Variants in SNTG2 observed in about 807,000 individuals in gnomAD.
SNTG2 encodes the protein syntrophin gamma 2.
A neutral mutation model predicts 70.9 loss-of-function variants in SNTG2; 74 were observed. The observed-to-expected ratio is 1.04, with a 90% confidence interval of 0.86 to 1.27. The LOEUF (loss-of-function observed/expected upper bound fraction) is 1.27. Ranked by LOEUF, SNTG2 falls within the 50% of genes most tolerant of loss-of-function variation. The pLI is 0.00. For missense variants in SNTG2, 717 were observed against 690.7 expected (o/e 1.04, Z -0.43); for synonymous variants, 278 against 273.8 (o/e 1.02, Z -0.15).
At chr2:1,281,110 A>G (rs529623440) in intron 14 of SNTG2, among the ~76,000 whole-genome samples, 7 of 151,888 alleles carry the variant, frequency 4.6e-5, no homozygotes, top group Admixed American at 2.6e-4. Context: ...GAAACTGGGA[A>G]TTCATGAGTG....
intron 16 of SNTG2, among the ~76,000 whole-genome samples, chr2:1,339,658 T>C (rs1659985948): frequency 6.6e-6 from 1 of 152,210 alleles, no homozygotes; most frequent in South Asian, 2.1e-4. Flanking sequence ...TGAGGGCTGA[T>C]TATTTCTCTG....
Position 950,890 on chromosome 2 carries a change from G to A in SNTG2, c.-107G>A. ...GGAGCCCGAGCCGGAGCCGGCAGAG[G>A]GGCGCGGGCGCGGACGCGGCGCCTG... On this transcript the variant is annotated 5_prime_UTR_variant, in exon 1 of 17. Transcript: ENST00000308624. 1 of 407,744 alleles carries A rather than the reference G, an allele frequency of 2.5e-6. No homozygotes were observed. The allele number at this position is 407,744 out of a possible 1,614,324, so 25.3% of individuals were successfully genotyped here. A position where few individuals can be genotyped will look rare whatever the true frequency, so the allele number is the denominator to read the frequency against.
chr2:1,147,642 A>C (rs4998211), intron 6 of SNTG2, among the ~76,000 whole-genome samples: 133,745 of 152,158 alleles, frequency 0.88, 59,084 homozygotes, highest in Non-Finnish European at 0.94. Flanking sequence ...TTAGTTCTGT[A>C]CCTCTAGAGA....
At chr2:1,042,336 A>G (rs1481005163) in intron 1 of SNTG2, among the ~76,000 whole-genome samples, 1 of 152,128 alleles carries the variant, frequency 6.6e-6, no homozygotes, top group Non-Finnish European at 1.5e-5. Flanking sequence ...ATATTTCTCA[A>G]TTTAACTAGT....
intron 11 of SNTG2, among the ~76,000 whole-genome samples, chr2:1,246,297 T>C (rs1025421802): frequency 6.6e-6 from 1 of 152,248 alleles, no homozygotes; most frequent in Non-Finnish European, 1.5e-5. Context: ...TCTGATTCTG[T>C]CCTCTAGCAT....
At chr2:1,334,746 G>T (rs753166987) in intron 16 of SNTG2, among the ~76,000 whole-genome samples, 2 of 152,082 alleles carry the variant, frequency 1.3e-5, no homozygotes, top group Non-Finnish European at 2.9e-5. Flanking sequence ...TGATGAGGAC[G>T]CAAAGGCATA....
chr2:1,173,353 A>G (rs1478363675), intron 8 of SNTG2, among the ~76,000 whole-genome samples, 170 bp downstream of exon 8: 1 of 152,070 alleles, frequency 6.6e-6, no homozygotes, highest in Non-Finnish European at 1.5e-5. Context: ...GTTGACATTT[A>G]CTCCCACGTG....
intron 14 of SNTG2, among the ~76,000 whole-genome samples, chr2:1,282,559 C>G (rs1679591825): frequency 6.6e-6 from 1 of 152,194 alleles, no homozygotes; most frequent in South Asian, 2.1e-4. Flanking sequence ...CCCCAAAATT[C>G]TACCAAACAG....
intron 14 of SNTG2, among the ~76,000 whole-genome samples, chr2:1,279,687 G>A (rs1679436507): frequency 6.6e-6 from 1 of 152,192 alleles, no homozygotes; most frequent in African/African-American, 2.4e-5. Context: ...TTTCAGATGG[G>A]AAGTTGGCTG....
intron 2 of SNTG2, among the ~76,000 whole-genome samples, chr2:1,090,677 T>G (rs1459751287): frequency 6.6e-6 from 1 of 152,160 alleles, no homozygotes; most frequent in Admixed American, 6.5e-5. Context: ...CCTTCCCTGA[T>G]TCTTCCTTCG....
At chr2:1,168,076 TGAAACCTACAGGCC>T (rs1407299358) in intron 7 of SNTG2, among the ~76,000 whole-genome samples, 17 of 131,842 alleles carry the variant, frequency 1.3e-4, no homozygotes, top group African/African-American at 4.0e-4. Flanking sequence ...ACGGCAGAAC[TGAAACCTACAGGCC>T]GCCCACAGAC....
At chr2:1,227,724 C>G (rs1369167289) in intron 9 of SNTG2, among the ~76,000 whole-genome samples, 2 of 152,194 alleles carry the variant, frequency 1.3e-5, no homozygotes, top group Non-Finnish European at 2.9e-5. Flanking sequence ...TGTCTGTCCT[C>G]TGGTGGAATT....
intron 8 of SNTG2, among the ~76,000 whole-genome samples, chr2:1,197,082 A>G (rs186835246): frequency 2.6e-5 from 4 of 152,302 alleles, no homozygotes; most frequent in Admixed American, 2.6e-4. Context: ...CCAGAAAACA[A>G]TTAACAAAAT....
chr2:1,047,963 A>G (rs1019832612), intron 1 of SNTG2, among the ~76,000 whole-genome samples: 8 of 152,310 alleles, frequency 5.3e-5, no homozygotes, highest in Non-Finnish European at 8.8e-5. Flanking sequence ...TTCAACAGAT[A>G]TAGGAAATTC....
At chr2:1,126,729 A>G (rs4254534) in intron 4 of SNTG2, among the ~76,000 whole-genome samples, 90,390 of 151,938 alleles carry the variant, frequency 0.59, 27,609 homozygotes, top group East Asian at 0.72. Context: ...ATGATTAGTG[A>G]TTTTAAGCAT....
chr2:1,302,665 G>A (rs1300923851), intron 14 of SNTG2, among the ~76,000 whole-genome samples: 2 of 151,832 alleles, frequency 1.3e-5, no homozygotes, highest in East Asian at 1.9e-4. Flanking sequence ...ATTACATGAA[G>A]TGAAAGTGGT....
intron 1 of SNTG2, among the ~76,000 whole-genome samples, chr2:1,078,123 A>C (rs985247581): frequency 1.3e-5 from 2 of 152,218 alleles, no homozygotes; most frequent in African/African-American, 4.8e-5. Flanking sequence ...GGATAAAGTT[A>C]CAAGGGTGGA....
At chr2:1,298,486 A>G (rs750410180) in intron 14 of SNTG2, among the ~76,000 whole-genome samples, 5 of 152,184 alleles carry the variant, frequency 3.3e-5, no homozygotes, top group Non-Finnish European at 7.3e-5. Flanking sequence ...GGCCAAAGTC[A>G]CAGACATTCT....
intron 1 of SNTG2, among the ~76,000 whole-genome samples, chr2:1,080,900 T>G (rs566133591): frequency 1.3e-5 from 2 of 152,252 alleles, no homozygotes. Context: ...AAGGACATAC[T>G]TCTGAGCTCC....
Sources: gnomAD v4.1 joint callset for allele counts (sites outside exome capture counted in the v4.1 genomes callset) on GRCh38, gnomAD v4.1.1 for gene constraint, MANE v1.5 for transcripts, NCBI Gene and HGNC (gene_info 2026-07-23, HGNC 2026-07-21) for gene names.